Variants in SAMD12 observed in about 807,000 individuals in gnomAD.
SAMD12 encodes sterile alpha motif domain-containing protein 12.
A neutral mutation model predicts 15.0 loss-of-function variants in SAMD12; 9 were observed. The ratio of observed to expected loss-of-function variants is 0.60; its 90% CI spans 0.36 to 1.05. SAMD12 has a LOEUF of 1.05. Ranked by LOEUF, SAMD12 falls within the 50% of genes least tolerant of loss-of-function variation. SAMD12 has a pLI of 0.01. For synonymous variants in SAMD12, 86 were observed against 90.1 expected, an observed-to-expected ratio of 0.96 and a Z score of 0.25; for missense variants, 230 against 234.2, an observed-to-expected ratio of 0.98 and a Z score of 0.12.
rs116277921 is a variant in SAMD12 at position 118,369,706 on chromosome 8, A to T, written c.433+9854T>A. 8.0e-3 allele frequency among the ~76,000 whole-genome samples: 1,224 copies of T among 152,060 alleles called. 14 individuals are homozygous for T. Among genetic ancestry groups the T allele is most frequent in the African/African-American group, 0.028 (1,152 of 41,472 alleles). ...CTCCCGCCCGGGCAACAAGAGTAAA[A>T]CTCTGTCTCAAAAAAAATAAAATAT... On this transcript the variant is annotated intron_variant, in intron 4 of 4. Transcript: ENST00000409003.
At chr8:118,152,294 C>T in the SAMD12 span, among the ~76,000 whole-genome samples, 1 of 152,090 alleles carries the variant, frequency 6.6e-6, no homozygotes, top group African/African-American at 2.4e-5. Flanking sequence ...CTGCCACCAC[C>T]CCCACCAAAA....
chr8:118,374,502 T>C (rs1452327988), downstream of SAMD12, among the ~76,000 whole-genome samples: 1 of 152,144 alleles, frequency 6.6e-6, no homozygotes, highest in African/African-American at 2.4e-5. Context: ...TACCCAGAAG[T>C]GAGATGGCTG....
chr8:118,333,605 C>T (rs1241473840), intron 4 of SAMD12, among the ~76,000 whole-genome samples: 5 of 150,432 alleles, frequency 3.3e-5, no homozygotes, highest in Non-Finnish European at 5.9e-5. Context: ...GTCCCATTTT[C>T]AGGACAGATC....
downstream of SAMD12, among the ~76,000 whole-genome samples, chr8:118,189,100 A>G (rs1819293240): frequency 6.6e-6 from 1 of 152,046 alleles, no homozygotes; most frequent in African/African-American, 2.4e-5. Context: ...ATCTCTTCCT[A>G]GTGTGTTTAC....
chr8:118,208,608 G>T (rs1204391662), intron 4 of SAMD12, among the ~76,000 whole-genome samples: 1 of 152,164 alleles, frequency 6.6e-6, no homozygotes, highest in Non-Finnish European at 1.5e-5. Context: ...TTCTAGATCT[G>T]GTCTAACATG....
chr8:118,168,270 AC>A, the SAMD12 span, among the ~76,000 whole-genome samples: 1 of 152,082 alleles, frequency 6.6e-6, no homozygotes, highest in Non-Finnish European at 1.5e-5. Context: ...CAAAGGAGGG[AC>A]CATTGGAGTG....
At chr8:118,246,264 A>G (rs1215367935) in intron 4 of SAMD12, among the ~76,000 whole-genome samples, 1 of 152,158 alleles carries the variant, frequency 6.6e-6, no homozygotes, top group Non-Finnish European at 1.5e-5. Flanking sequence ...TGAGCCAATC[A>G]TGACACTCAT....
chr8:118,145,683 T>C, the SAMD12 span, among the ~76,000 whole-genome samples: 1 of 152,174 alleles, frequency 6.6e-6, no homozygotes, highest in African/African-American at 2.4e-5. Flanking sequence ...GAATCCTTTA[T>C]GCCAAAAAGC....
chr8:118,199,199 A>T (rs1256983797), intron 4 of SAMD12, among the ~76,000 whole-genome samples: 4 of 152,218 alleles, frequency 2.6e-5, no homozygotes, highest in Admixed American at 2.6e-4. Flanking sequence ...GTATTTTGCA[A>T]AACAACAACA....
At chr8:118,218,153 CTTA>C (rs1387584633) in intron 4 of SAMD12, among the ~76,000 whole-genome samples, 4 of 152,174 alleles carry the variant, frequency 2.6e-5, no homozygotes, top group Admixed American at 2.6e-4. Context: ...GGCTTAAACT[CTTA>C]TTATCAAGTT....
At position 118,445,430 on chromosome 8, in the gene SAMD12, G is replaced by A. The variant is rs574775427; in HGVS notation, c.193-5469C>T. ...ATGGTCTATAAAATCTACATATTAGGGATTATTCATGGGTTTGGACCTAAA... is the reference window on the plus strand; with the variant it reads ...ATGGTCTATAAAATCTACATATTAGAGATTATTCATGGGTTTGGACCTAAA... On this transcript the variant is annotated intron_variant, in intron 2 of 3. Transcript: ENST00000314727. Among the ~76,000 whole-genome samples the A allele has an allele frequency of 6.7e-4, 102 of 152,150 alleles. No individual in the cohort carries two copies. The Middle Eastern group carries it at 0.024, about 36-fold the overall frequency.
At chr8:118,223,441 G>A (rs1002988449) in intron 4 of SAMD12, among the ~76,000 whole-genome samples, 3 of 152,172 alleles carry the variant, frequency 2.0e-5, no homozygotes, top group Non-Finnish European at 2.9e-5. Flanking sequence ...TTAGCATTTC[G>A]ACTTCTGGTC....
At chr8:118,342,191 C>T (rs1366825734) in intron 4 of SAMD12, among the ~76,000 whole-genome samples, 1 of 151,652 alleles carries the variant, frequency 6.6e-6, no homozygotes, top group African/African-American at 2.4e-5. Flanking sequence ...ACTCAGGAGG[C>T]TGAGGCATGA....
chr8:118,426,350 T>A (rs1822235507), intron 3 of SAMD12, among the ~76,000 whole-genome samples: 1 of 152,146 alleles, frequency 6.6e-6, no homozygotes, highest in Non-Finnish European at 1.5e-5. Flanking sequence ...CCTCACTTCT[T>A]CACCTGTAAC....
intron 4 of SAMD12, among the ~76,000 whole-genome samples, chr8:118,338,586 G>T (rs1387779694): frequency 1.3e-5 from 2 of 152,214 alleles, no homozygotes; most frequent in Non-Finnish European, 2.9e-5. Context: ...GAGGAGTTTG[G>T]TTGCCATTGC....
rs1223478292 is a variant in SAMD12, at chr8:118,274,434, T to C, written c.434-76702A>G. On this transcript the variant is annotated intron_variant, in intron 4 of 4. Coordinates refer to the SAMD12 transcript ENST00000409003. ...ACATTCATAATGATGTTTTGTTTTA[T>C]ACATTACGAAATGACAGACAATACA... Among the ~76,000 whole-genome samples, 3 of 152,288 alleles carry C rather than the reference T, an allele frequency of 2.0e-5. No homozygotes were observed. In the East Asian group the frequency reaches 5.8e-4, roughly 29 times the overall value.
intron 2 of SAMD12, among the ~76,000 whole-genome samples, chr8:118,514,905 G>A (rs1385951782): frequency 4.6e-5 from 7 of 152,212 alleles, no homozygotes; most frequent in African/African-American, 1.7e-4. Flanking sequence ...CAATGTTGGA[G>A]GAAGGTCCTG....
chr8:118,161,117 A>G, the SAMD12 span, among the ~76,000 whole-genome samples: 5 of 152,204 alleles, frequency 3.3e-5, no homozygotes, highest in African/African-American at 1.2e-4. Context: ...TGCAAAGGAC[A>G]TGAACTCATC....
chr8:118,207,116 C>G (rs908050369), intron 4 of SAMD12, among the ~76,000 whole-genome samples: 2 of 152,224 alleles, frequency 1.3e-5, no homozygotes, highest in African/African-American at 4.8e-5. Flanking sequence ...ATGCAAGTAT[C>G]TGAAACTCTA....
Sources: allele counts gnomAD v4.1 joint callset (sites outside exome capture counted in the v4.1 genomes callset), GRCh38; gene constraint gnomAD v4.1.1; transcripts MANE v1.5; gene names NCBI Gene and HGNC (gene_info 2026-07-23, HGNC 2026-07-21).